PCDH15: variants seen among roughly 807,000 people sequenced by gnomAD.
The protein encoded by PCDH15 is protocadherin related 15, also known as protocadherin-15.
PCDH15 carries 129 observed loss-of-function variants against 178.5 expected under a neutral mutation model. The ratio of observed to expected loss-of-function variants is 0.72; its 90% CI spans 0.63 to 0.84. The LOEUF is 0.84. Among genes scored for constraint, PCDH15 ranks in the 40% least tolerant of loss-of-function variants. The probability of loss-of-function intolerance (pLI) is 0.00; values close to 1 mark genes in which losing one functional copy is unlikely to be tolerated. For synonymous variants in PCDH15, 800 were observed against 732.0 expected (o/e 1.09, Z -1.50); for missense variants, 2,230 against 2,099.9 (o/e 1.06, Z -1.21).
chr10:54,599,622 A>G (rs989395270), intron 2 of PCDH15: 1 of 331,778 alleles, frequency 3.0e-6, no homozygotes, highest in East Asian at 8.1e-5. Context: ...AAAATATGCC[A>G]AAAGCAATCA....
intron 2 of PCDH15, among the ~76,000 whole-genome samples, chr10:54,926,233 A>C (rs1837622832): frequency 6.6e-6 from 1 of 152,058 alleles, no homozygotes; most frequent in Non-Finnish European, 1.5e-5. Context: ...AGTTATTTTT[A>C]TGTAATGACT....
intron 8 of PCDH15, among the ~76,000 whole-genome samples, chr10:54,289,259 A>G (rs2059237346): frequency 6.6e-6 from 1 of 152,186 alleles, no homozygotes; most frequent in Admixed American, 6.5e-5. Flanking sequence ...GCAAACTCCA[A>G]CAGACCTGCA....
chr10:55,101,313 T>C (rs1030190760), intron 2 of PCDH15, among the ~76,000 whole-genome samples: 2 of 151,300 alleles, frequency 1.3e-5, no homozygotes, highest in African/African-American at 4.9e-5. Context: ...ACTCAGGAGG[T>C]GGAGTTTACA....
chr10:54,031,551 A>C (rs368689418), intron 18 of PCDH15, among the ~76,000 whole-genome samples: 2 of 89,822 alleles, frequency 2.2e-5, no homozygotes, highest in Non-Finnish European at 6.6e-5. Flanking sequence ...ATGGTAGAGA[A>C]GGAAAAAAAA....
chr10:55,317,799 C>T (rs1226221854), intron 1 of PCDH15, among the ~76,000 whole-genome samples: 1 of 151,888 alleles, frequency 6.6e-6, no homozygotes, highest in East Asian at 1.9e-4. Flanking sequence ...AAAGTAAAGA[C>T]AGTTTTACAC....
intron 17 of PCDH15, among the ~76,000 whole-genome samples, chr10:54,067,982 A>AT (rs1449612337): frequency 2.0e-5 from 3 of 150,976 alleles, no homozygotes; most frequent in Admixed American, 6.6e-5. Context: ...ATTTTTTTTT[A>AT]TTTTTTTAGC....
At chr10:54,659,835 A>G (rs1391314938) in intron 2 of PCDH15, among the ~76,000 whole-genome samples, 1 of 152,068 alleles carries the variant, frequency 6.6e-6, no homozygotes, top group Admixed American at 6.6e-5. Context: ...CTACTGAATG[A>G]TTTTAGGCTA....
intron 8 of PCDH15, among the ~76,000 whole-genome samples, chr10:54,285,804 A>G (rs756220620): frequency 5.3e-5 from 8 of 152,214 alleles, no homozygotes; most frequent in Non-Finnish European, 1.0e-4. Context: ...TAGCCAAGAT[A>G]TGAACCAACC....
At chr10:55,503,754 C>T (rs1285215651) in intron 2 of PCDH15, among the ~76,000 whole-genome samples, 1 of 151,370 alleles carries the variant, frequency 6.6e-6, no homozygotes, top group Non-Finnish European at 1.5e-5. Flanking sequence ...TTACCACAAT[C>T]CAGAACACTG....
intron 19 of PCDH15, among the ~76,000 whole-genome samples, chr10:54,022,301 G>A (rs2092947502): frequency 6.6e-6 from 1 of 151,310 alleles, no homozygotes; most frequent in Non-Finnish European, 1.5e-5. Flanking sequence ...AAAAAGGAGA[G>A]TTAGATTACT....
chr10:55,620,126 A>G (rs1843561627), intron 2 of PCDH15, among the ~76,000 whole-genome samples: 1 of 152,024 alleles, frequency 6.6e-6, no homozygotes, highest in East Asian at 1.9e-4. Context: ...ATTTTTGGAA[A>G]TAGGATGTTT....
At chr10:54,015,077 A>C (rs571650221) in intron 20 of PCDH15, among the ~76,000 whole-genome samples, 1 of 152,312 alleles carries the variant, frequency 6.6e-6, no homozygotes, top group African/African-American at 2.4e-5. Flanking sequence ...ATACCAAATC[A>C]ATGTACAAAA....
At chr10:55,074,052 C>A (rs1253415580) in intron 2 of PCDH15, among the ~76,000 whole-genome samples, 1 of 152,026 alleles carries the variant, frequency 6.6e-6, no homozygotes, top group African/African-American at 2.4e-5. Context: ...TCATTCTTTT[C>A]TATGGCTGCA....
At chr10:54,350,856 C>T (rs1301951292) in intron 5 of PCDH15, among the ~76,000 whole-genome samples, 1 of 152,042 alleles carries the variant, frequency 6.6e-6, no homozygotes, top group Non-Finnish European at 1.5e-5. Context: ...GTAATCCCAA[C>T]AATTTGGGAG....
intron 1 of PCDH15, among the ~76,000 whole-genome samples, chr10:54,776,690 A>C (rs1414953328): frequency 6.6e-6 from 1 of 152,214 alleles, no homozygotes; most frequent in South Asian, 2.1e-4. Flanking sequence ...CAGTTGGTTT[A>C]AAATATTACT....
intron 11 of PCDH15, among the ~76,000 whole-genome samples, chr10:54,188,096 C>A (rs1181880624): frequency 1.3e-5 from 2 of 151,660 alleles, no homozygotes; most frequent in African/African-American, 2.4e-5. Flanking sequence ...GTTTTGCTAC[C>A]CTTCACAAGA....
chr10:55,496,201 T>C (rs1042313505), intron 2 of PCDH15, among the ~76,000 whole-genome samples: 1 of 151,702 alleles, frequency 6.6e-6, no homozygotes, highest in African/African-American at 2.4e-5. Context: ...CTTAAAGACA[T>C]AAATCACAGA....
chr10:54,045,141 C>T (rs1433535690), intron 18 of PCDH15, among the ~76,000 whole-genome samples: 1 of 152,086 alleles, frequency 6.6e-6, no homozygotes, highest in Non-Finnish European at 1.5e-5. Flanking sequence ...TTGTATGGTA[C>T]ATTTTTCTTG....
At chr10:53,815,439 G>T (rs1392274272) in intron 35 of PCDH15, among the ~76,000 whole-genome samples, 1 of 152,084 alleles carries the variant, frequency 6.6e-6, no homozygotes, top group Non-Finnish European at 1.5e-5. Flanking sequence ...TTGGTGTTTG[G>T]ATTTCAACCC....
Sources: allele counts gnomAD v4.1 joint callset (sites outside exome capture counted in the v4.1 genomes callset), GRCh38; gene constraint gnomAD v4.1.1; transcripts MANE v1.5; gene names NCBI Gene and HGNC (gene_info 2026-07-23, HGNC 2026-07-21).